MAML3: variants seen among roughly 807,000 people sequenced by gnomAD.
MAML3 encodes mastermind like transcriptional coactivator 3, also known as mastermind-like protein 3.
A neutral mutation model predicts 101.9 loss-of-function variants in MAML3; 27 were observed. The ratio of observed to expected loss-of-function variants is 0.27; its 90% CI spans 0.20 to 0.37. The LOEUF (loss-of-function observed/expected upper bound fraction) is 0.37. Ranked by LOEUF, MAML3 falls within the 10% of genes least tolerant of loss-of-function variation. MAML3 has a pLI of 1.00. For synonymous variants in MAML3, 501 were observed against 555.9 expected, an observed-to-expected ratio of 0.90 and a Z score of 1.39; for missense variants, 1,316 against 1,444.9, an observed-to-expected ratio of 0.91 and a Z score of 1.45.
chr4:139,832,090 G>GCTCC (rs141974241), intron 2 of MAML3, among the ~76,000 whole-genome samples: 1 of 90,644 alleles, frequency 1.1e-5, no homozygotes, highest in Non-Finnish European at 2.4e-5. Context: ...ATCATGCCCA[G>GCTCC]CCCCTTTTTT....
chr4:139,897,139 G>A (rs1215975029), intron 1 of MAML3, among the ~76,000 whole-genome samples: 1 of 152,192 alleles, frequency 6.6e-6, no homozygotes, highest in African/African-American at 2.4e-5. Flanking sequence ...AGATAGTGAT[G>A]CTACTATTAA....
chr4:139,891,052 T>A, intron 1 of MAML3, 85 bp from the exon 2 acceptor site: 1 of 1,450,782 alleles, frequency 6.9e-7, no homozygotes, highest in Non-Finnish European at 9.2e-7. Flanking sequence ...TGCGATGAAC[T>A]AACTTTTAAG....
intron 2 of MAML3, among the ~76,000 whole-genome samples, chr4:139,872,493 G>A (rs749223723): frequency 6.6e-6 from 1 of 152,162 alleles, no homozygotes; most frequent in Non-Finnish European, 1.5e-5. Flanking sequence ...TTTGGCCCCT[G>A]AAATACTCAG....
chr4:139,846,947 G>A (rs1267091443), intron 2 of MAML3, among the ~76,000 whole-genome samples: 4 of 152,194 alleles, frequency 2.6e-5, no homozygotes, highest in Non-Finnish European at 4.4e-5. Flanking sequence ...TGAGACTGGA[G>A]GGATCTGCTT....
At chr4:139,957,796 G>GT (rs1733941498) in intron 1 of MAML3, among the ~76,000 whole-genome samples, 1 of 152,016 alleles carries the variant, frequency 6.6e-6, no homozygotes, top group African/African-American at 2.4e-5. Flanking sequence ...TAGTTGTTTT[G>GT]TTGTTATTTT....
At chr4:140,043,036 A>G (rs1439849156) in intron 1 of MAML3, among the ~76,000 whole-genome samples, 2 of 152,204 alleles carry the variant, frequency 1.3e-5, no homozygotes, top group Admixed American at 6.5e-5. Flanking sequence ...TAAAAAAACA[A>G]AAAACAAAAA....
At chr4:139,976,573 G>A (rs1351984265) in intron 1 of MAML3, among the ~76,000 whole-genome samples, 1 of 152,122 alleles carries the variant, frequency 6.6e-6, no homozygotes, top group Non-Finnish European at 1.5e-5. Context: ...AAAAAAAGGT[G>A]GATGATCTTA....
intron 1 of MAML3, among the ~76,000 whole-genome samples, chr4:139,994,977 G>A (rs1017714501): frequency 6.6e-6 from 1 of 152,112 alleles, no homozygotes; most frequent in Admixed American, 6.6e-5. Flanking sequence ...GCCTTAGTGG[G>A]AAACCATATC....
intron 2 of MAML3, among the ~76,000 whole-genome samples, chr4:139,799,288 T>A (rs1199715736): frequency 6.6e-6 from 1 of 152,244 alleles, no homozygotes; most frequent in Non-Finnish European, 1.5e-5. Context: ...TGTTTCTATT[T>A]GTTTGGGATC....
At chr4:139,726,145 G>C (rs111997291) in intron 3 of MAML3, among the ~76,000 whole-genome samples, 37 of 152,308 alleles carry the variant, frequency 2.4e-4, no homozygotes, top group African/African-American at 8.9e-4. Context: ...TAACAACATA[G>C]AGCAGTTATG....
At chr4:139,838,938 A>G (rs1220345743) in intron 2 of MAML3, among the ~76,000 whole-genome samples, 1 of 152,116 alleles carries the variant, frequency 6.6e-6, no homozygotes. Context: ...CATAGTTCTA[A>G]ACAGATTTCT....
chr4:139,857,537 G>T (rs945596497), intron 2 of MAML3, among the ~76,000 whole-genome samples: 1 of 152,174 alleles, frequency 6.6e-6, no homozygotes, highest in Non-Finnish European at 1.5e-5. Context: ...TCAGAGGTTA[G>T]ACATTTAAGG....
rs539186616 is a variant in MAML3 at position 140,101,518 on chromosome 4, A to G, written c.468+51342T>C. The stretch of plus-strand genomic sequence containing the variant: ...GATATTGGGGCAAATGTGGTTAATA[A>G]CTTCAGGAACAATTTGGTAGAATTC... On this transcript the variant is annotated intron_variant, in intron 1 of 4. Coordinates refer to ENST00000509479, the MANE Select transcript of MAML3 (RefSeq NM_018717.5). 4.6e-5 allele frequency among the ~76,000 whole-genome samples: 7 copies of G among 152,308 alleles called. No individual in the cohort carries two copies. In the South Asian group the frequency reaches 1.5e-3, roughly 32 times the overall value.
At chr4:139,962,013 G>C (rs952294766) in intron 1 of MAML3, among the ~76,000 whole-genome samples, 5 of 152,148 alleles carry the variant, frequency 3.3e-5, no homozygotes, top group African/African-American at 1.2e-4. Context: ...CTACTTGAGA[G>C]GCTGGAGGCT....
intron 2 of MAML3, among the ~76,000 whole-genome samples, chr4:139,778,756 G>A (rs1730139762): frequency 6.6e-6 from 1 of 152,088 alleles, no homozygotes; most frequent in Non-Finnish European, 1.5e-5. Flanking sequence ...AGGCCGAGGT[G>A]GGTGGATCAC....
intron 2 of MAML3, among the ~76,000 whole-genome samples, chr4:139,879,655 T>G (rs1732181477): frequency 6.6e-6 from 1 of 151,120 alleles, no homozygotes; most frequent in South Asian, 2.1e-4. Flanking sequence ...GTGGGGATGT[T>G]CATTAAAATG....
chr4:140,021,366 T>C (rs1037911430), intron 1 of MAML3, among the ~76,000 whole-genome samples: 3 of 152,356 alleles, frequency 2.0e-5, no homozygotes, highest in South Asian at 2.1e-4. Flanking sequence ...CTGGAAGTAC[T>C]TCAGCAGCAT....
chr4:139,775,129 TC>T (rs1365048842), intron 2 of MAML3, among the ~76,000 whole-genome samples: 1 of 152,182 alleles, frequency 6.6e-6, no homozygotes. Context: ...TATATGATTC[TC>T]TGGGTTTTAT....
chr4:140,137,142 C>T (rs1036512017), intron 1 of MAML3, among the ~76,000 whole-genome samples: 3 of 152,216 alleles, frequency 2.0e-5, no homozygotes, highest in Non-Finnish European at 4.4e-5. Flanking sequence ...GCGCCCGCCA[C>T]CGCGCCCGGC....
Sources: allele counts gnomAD v4.1 joint callset (sites outside exome capture counted in the v4.1 genomes callset), GRCh38; gene constraint gnomAD v4.1.1; transcripts MANE v1.5; gene names NCBI Gene and HGNC (gene_info 2026-07-23, HGNC 2026-07-21).